Variants in ASPM observed in about 807,000 individuals in gnomAD.
ASPM encodes abnormal spindle-like microcephaly-associated protein.
ASPM carries 256 observed loss-of-function variants against 366.4 expected under a neutral mutation model. That is an observed-to-expected ratio of 0.70 (90% CI 0.63 to 0.77). ASPM has a LOEUF of 0.77. Among genes scored for constraint, ASPM ranks in the 30% least tolerant of loss-of-function variants. The pLI is 0.00. For synonymous variants in ASPM, 1,414 were observed against 1,342.9 expected (o/e 1.05, Z -1.16); for missense variants, 4,146 against 4,090.4 (o/e 1.01, Z -0.37).
intron 3 of ASPM, 29 bp downstream of exon 3, chr1:197,142,302 C>G (rs374730914): frequency 6.9e-5 from 111 of 1,606,926 alleles, no homozygotes; most frequent in Non-Finnish European, 8.8e-5. Context: ...TACAGGTATA[C>G]TTCAGTAGAT....
At chr1:197,109,950 A>G (rs539302920) in intron 17 of ASPM, among the ~76,000 whole-genome samples, 3 of 152,258 alleles carry the variant, frequency 2.0e-5, no homozygotes, top group Admixed American at 2.0e-4. Flanking sequence ...AAATGGAGAT[A>G]TGTATCACCT....
intron 3 of ASPM, among the ~76,000 whole-genome samples, chr1:197,140,692 A>C (rs1453028761): frequency 6.6e-6 from 1 of 152,128 alleles, no homozygotes; most frequent in Admixed American, 6.5e-5. Context: ...GGAAGTAAAA[A>C]CCCTCATTTA....
chr1:197,086,820 C>A lies in ASPM; in HGVS notation c.10314G>T (p.Arg3438Ser). ...TTGCTTACCTTGAAACTATTCTGGTCCTTACAGGTGTTTCTGGGATAAAAG... is the reference window on the plus strand; with the variant it reads ...TTGCTTACCTTGAAACTATTCTGGTACTTACAGGTGTTTCTGGGATAAAAG... ...SIPFIPETPV[R>S]TRIVSRLKPD... is the part of the protein sequence containing the mutation. The change falls in exon 27 of 28, where the codon AGG becomes AGT. Residue 3438 changes from arginine to serine, a missense_variant. Around this residue, in one of 3 missense-constraint regions of ASPM, gnomAD observed 3,624 missense variants for 3,591.7 expected, o/e 1.01. Transcript: ENST00000367409. 1 of 1,609,770 alleles carries A rather than the reference C, an allele frequency of 6.2e-7. No individual in the cohort carries two copies. The highest frequency in any genetic ancestry group is 1.1e-5 in the South Asian group (1 of 90,960).
At chr1:197,145,636 ACTC>A (rs1658741344) in intron 1 of ASPM, among the ~76,000 whole-genome samples, 1 of 152,066 alleles carries the variant, frequency 6.6e-6, no homozygotes, top group Non-Finnish European at 1.5e-5. Flanking sequence ...CAACCAAGGT[ACTC>A]CTGTCAATCT....
rs776624791 is a variant in ASPM at position 197,104,523 on chromosome 1, TCTGTC to T, written c.4723_4727del (p.Asp1575SerfsTer7). The T allele has an allele frequency of 1.9e-6, 3 of 1,612,456 alleles. No individual in the cohort carries two copies. Among genetic ancestry groups the T allele is most frequent in the African/African-American group, 2.7e-5 (2 of 74,836 alleles). On this transcript the variant is annotated frameshift_variant, in exon 18 of 28. Coordinates refer to ENST00000367409, the MANE Select transcript of ASPM (RefSeq NM_018136.5). LOFTEE classifies it high-confidence loss of function. ...TCTTCTTAAGGTTTAAAAATCGAAC[TCTGTC>T]TTGTCTCATTCTCCAGTATGACTGA... is the stretch of plus-strand genomic sequence containing the variant.
At position 197,090,251 on chromosome 1, in the gene ASPM, A is replaced by G; in HGVS notation, c.9774T>C (p.His3258=). 1 of 1,613,560 alleles carries G rather than the reference A, an allele frequency of 6.2e-7. No individual in the cohort carries two copies. The highest frequency in any genetic ancestry group is 8.5e-7 in the Non-Finnish European group (1 of 1,179,694). ...KLYKRTALAL[H]YLLTYKHLSA... ...AAAGGTGCTTATATGTCAAAAGGTA[A>G]TGAAGTGCAAGTGCAGTTCTTTTGT... The change falls in exon 24 of 28, where the codon CAT becomes CAC. Residue 3258 remains histidine, a synonymous_variant. Transcript: ENST00000367409.
chr1:197,143,719 G>A lies in ASPM; in HGVS notation c.533C>T (p.Thr178Ile), dbSNP rs1571631651. 2 of 1,613,800 alleles carry A rather than the reference G, an allele frequency of 1.2e-6. No individual in the cohort carries two copies. The highest frequency in any genetic ancestry group is 1.7e-6 in the Non-Finnish European group (2 of 1,179,842). ...RVSNIQNVNK[T>I]FSVSQKVDRV... ...GTCAACTTTTTGGGAAACACTAAAT[G>A]TTTTATTAACATTCTGAATATTTGA... The change falls in exon 3 of 28, where the codon ACA (threonine) becomes ATA (isoleucine). Residue 178 changes from threonine to isoleucine, a missense_variant. Thr to Ile is a moderately conservative substitution (Grantham distance 89, BLOSUM62 -1). Transcript: ENST00000367409.
chr1:197,086,225 C>CAAGAAGGA (rs1489179946), intron 27 of ASPM, among the ~76,000 whole-genome samples: 6 of 147,226 alleles, frequency 4.1e-5, no homozygotes, highest in African/African-American at 1.5e-4. Context: ...TGCTAAGTCT[C>CAAGAAGGA]AAGAAGGAAA....
At chr1:197,098,393 T>C (rs1463951019) in intron 18 of ASPM, among the ~76,000 whole-genome samples, 1 of 151,652 alleles carries the variant, frequency 6.6e-6, no homozygotes, top group Non-Finnish European at 1.5e-5. Context: ...GACTCCAATA[T>C]GCAGTAAAGT....
Position 197,143,359 on chromosome 1 carries a change from A to C in ASPM, c.893T>G (p.Leu298Arg), listed in dbSNP as rs1375509618. ...GQRGENSKLS[L>R]TPNCSSTLNI... ...CAAAGTTGAAGAACAGTTGGGGGTA[A>C]GACTAAGTTTACTATTCTCTCCTCT... is the stretch of plus-strand genomic sequence containing the variant. The change falls in exon 3 of 28, where the codon CTT (leucine) becomes CGT (arginine). Residue 298 changes from leucine to arginine, a missense_variant. Coordinates refer to ENST00000367409, the MANE Select transcript of ASPM (RefSeq NM_018136.5). 6.2e-7 allele frequency: 1 copy of C among 1,613,946 alleles called. No homozygotes were observed. The highest frequency in any genetic ancestry group is 2.2e-5 in the East Asian group (1 of 44,866).
chr1:197,094,248 C>T lies in ASPM; in HGVS notation c.8988-68G>A, dbSNP rs148066470. 1.9e-4 allele frequency: 176 copies of T among 916,592 alleles called. 2 individuals carry two copies. The African/African-American group carries it at 2.4e-3, about 13-fold the overall frequency. 56.8% of individuals were successfully genotyped at this position (916,592 alleles called of 1,614,324 possible). On this transcript the variant is annotated intron_variant, in intron 19 of 27. Transcript: ENST00000367409. ...TTATTCAATGAGTATTTATTGCCTC[C>T]CCCCCTTTAAAATATTAGAAGAGAA...
intron 13 of ASPM, 46 bp from the exon 14 acceptor site, chr1:197,122,641 G>A (rs1313512843): frequency 4.0e-6 from 6 of 1,488,802 alleles, no homozygotes; most frequent in Non-Finnish European, 4.6e-6. Context: ...TTAGAAAGTA[G>A]TATAGACATA....
At chr1:197,134,026 AG>A (rs1400869299) in intron 5 of ASPM, among the ~76,000 whole-genome samples, 14 of 152,082 alleles carry the variant, frequency 9.2e-5, no homozygotes, top group African/African-American at 3.4e-4. Context: ...CTTTTGGAAA[AG>A]AAACAACTTT....
Position 197,103,921 on chromosome 1 carries a change from G to A in ASPM, c.5330C>T (p.Ala1777Val). The A allele has an allele frequency of 6.2e-7, 1 of 1,612,602 alleles. No individual in the cohort carries two copies. Among genetic ancestry groups the A allele is most frequent in the Non-Finnish European group, 8.5e-7 (1 of 1,179,264 alleles). Reference protein sequence around the residue: ...ARQYYLKMYKAIIVIQNYYHA... With the variant: ...ARQYYLKMYKVIIVIQNYYHA... The stretch of plus-strand genomic sequence containing the variant: ...ATAGTAATTCTGAATGACAATAATT[G>A]CTTTATACATTTTCAGATAATACTG... Residue 1777 changes from alanine to valine, a missense_variant, in exon 18 of 28, where the codon GCA (alanine) becomes GTA (valine). Ala to Val is a moderately conservative substitution (Grantham distance 64, BLOSUM62 0). This residue lies in a region of ASPM where 3,624 missense variants were observed against 3,591.7 expected (regional missense o/e 1.01). Transcript: ENST00000367409.
intron 27 of ASPM, 65 bp downstream of exon 27, chr1:197,086,738 T>C: frequency 7.3e-7 from 1 of 1,363,350 alleles, no homozygotes; most frequent in Non-Finnish European, 1.0e-6. Context: ...AAGTGCTCAA[T>C]AAATATTTGT....
Position 197,101,760 on chromosome 1 carries a change from A to G in ASPM, c.7491T>C (p.Tyr2497=). ...CATGTTTCCAAGTCTGAAATGTAAT[A>G]TATGTTCTGTACATCCTGAAAGTAG... The part of the protein sequence containing the change: ...IQATFRMYRT[Y]ITFQTWKHAS... The change falls in exon 18 of 28, where the codon TAT becomes TAC. Residue 2497 remains tyrosine (Y), a synonymous_variant. Coordinates refer to ENST00000367409, the MANE Select transcript of ASPM (RefSeq NM_018136.5). The G allele has an allele frequency of 6.2e-7, 1 of 1,612,492 alleles. No individual in the cohort carries two copies. Among genetic ancestry groups the G allele is most frequent in the Non-Finnish European group, 8.5e-7 (1 of 1,179,186 alleles).
intron 1 of ASPM, among the ~76,000 whole-genome samples, chr1:197,144,716 C>A (rs754326010): frequency 6.6e-6 from 1 of 152,166 alleles, no homozygotes; most frequent in African/African-American, 2.4e-5. Flanking sequence ...CCTATTAGAA[C>A]CCAGGCAGTC....
Position 197,124,418 on chromosome 1 carries a change from T to C in ASPM, c.3169-87A>G, listed in dbSNP as rs1557956770. 4 of 981,054 alleles carry C rather than the reference T, an allele frequency of 4.1e-6. No homozygotes were observed. The East Asian group carries it at 7.8e-5, about 19-fold the overall frequency. The allele number at this position is 981,054 out of a possible 1,614,324, so 60.8% of individuals were successfully genotyped here. A position where few individuals can be genotyped will look rare whatever the true frequency, so the allele number is the denominator to read the frequency against. On this transcript the variant is annotated intron_variant, in intron 12 of 27. Transcript: ENST00000367409. ...CAGAAATCAAAGTAACTGTCTTCTA[T>C]TTAGAGAAACTGTAGATGTTTTAAA...
chr1:197,117,181 T>C (rs1401228584), intron 17 of ASPM, among the ~76,000 whole-genome samples: 1 of 152,062 alleles, frequency 6.6e-6, no homozygotes, highest in Non-Finnish European at 1.5e-5. Context: ...TCAGATATAT[T>C]GATGGGGTGA....
Sources: gnomAD v4.1 joint callset for allele counts (sites outside exome capture counted in the v4.1 genomes callset) on GRCh38, gnomAD v4.1.1 for gene constraint, gnomAD v4.1.1 regional missense constraint, MANE v1.5 for transcripts, NCBI Gene and HGNC (gene_info 2026-07-23, HGNC 2026-07-21) for gene names.